TPRA1: variants seen among roughly 807,000 people sequenced by gnomAD.
TPRA1 encodes the protein transmembrane protein adipocyte associated 1, also known as transmembrane protein adipocyte-associated 1.
TPRA1 carries 28 observed loss-of-function variants against 40.1 expected under a neutral mutation model. The observed-to-expected ratio is 0.70, with a 90% CI of 0.52 to 0.96. TPRA1 has a LOEUF of 0.96. TPRA1 is among the 40% of genes least tolerant of loss of function. TPRA1 has a pLI of 0.00. For synonymous variants in TPRA1, 219 were observed against 209.7 expected, an observed-to-expected ratio of 1.04 and a Z score of -0.38; for missense variants, 441 against 482.6, an observed-to-expected ratio of 0.91 and a Z score of 0.81.
upstream of TPRA1, chr3:127,598,225 C>A (rs771754116): frequency 1.2e-5 from 7 of 600,130 alleles, no homozygotes; most frequent in Non-Finnish European, 1.8e-5. Flanking sequence ...ACAGCGCAGG[C>A]GAGCGCACGC....
In TPRA1 at chr3:127,590,661, C is replaced by T. The variant is rs2074146798; in HGVS notation, c.-269G>A. 6.6e-6 allele frequency: 1 copy of T among 152,294 alleles called. No individual in the cohort carries two copies. Among genetic ancestry groups the T allele is most frequent in the Non-Finnish European group, 1.5e-5 (1 of 68,106 alleles). 9.4% of individuals were successfully genotyped at this position (152,294 alleles called of 1,614,324 possible). A position where few individuals can be genotyped will look rare whatever the true frequency, so the allele number is the denominator to read the frequency against. ...GTCTCGCGGACACCCTGCAGCCCTT[C>T]CCGACAGCGGCGACCGGGAAAGCAA... On this transcript the variant is annotated 5_prime_UTR_variant, in exon 1 of 11. Coordinates refer to ENST00000355552, the MANE Select transcript of TPRA1 (RefSeq NM_001136053.4).
At chr3:127,578,902 G>C (rs2073733360) in intron 3 of TPRA1, among the ~76,000 whole-genome samples, 1 of 152,134 alleles carries the variant, frequency 6.6e-6, no homozygotes, top group African/African-American at 2.4e-5. Flanking sequence ...TGCAGACAGG[G>C]GAAGGGCGCC....
intron 3 of TPRA1, 140 bp from the exon 4 acceptor site, chr3:127,577,216 A>G (rs199686001): frequency 1.3e-6 from 1 of 797,664 alleles, no homozygotes; most frequent in South Asian, 1.6e-5. Context: ...AGGGTGGGAC[A>G]CAGGGAGGTG....
At chr3:127,577,737 C>T (rs540114144) in intron 3 of TPRA1, among the ~76,000 whole-genome samples, 3 of 152,196 alleles carry the variant, frequency 2.0e-5, no homozygotes, top group East Asian at 1.9e-4. Flanking sequence ...TTCTCACCCC[C>T]ACTTCGGTGG....
At chr3:127,579,923 C>G (rs766994358) in intron 2 of TPRA1, 51 bp from the exon 3 acceptor site, 2 of 1,609,778 alleles carry the variant, frequency 1.2e-6, no homozygotes, top group African/African-American at 1.3e-5. Flanking sequence ...CATATGCACC[C>G]CCTCTCCAAG....
Position 127,580,034 on chromosome 3 carries a change from A to G in TPRA1, c.113T>C (p.Ile38Thr), listed in dbSNP as rs1452869235. The change falls in exon 2 of 11, where the codon ATT becomes ACT. Residue 38 changes from isoleucine (I) to threonine (T), a missense_variant. Physicochemically the swap from Ile to Thr is moderately conservative, Grantham distance 89. Coordinates refer to ENST00000355552, the MANE Select transcript of TPRA1 (RefSeq NM_001136053.4). ...GTGACTGCCTCACCTGGAGGTGCCAATGTCTTCGTAGAGCAGCAGCAGGCA... is the reference window on the plus strand; with the variant it reads ...GTGACTGCCTCACCTGGAGGTGCCAGTGTCTTCGTAGAGCAGCAGCAGGCA... ...HRCLLLLYEDIGTSRVRYWDL... is the reference protein window; with the variant it reads ...HRCLLLLYEDTGTSRVRYWDL... 1.5e-5 allele frequency: 24 copies of G among 1,613,604 alleles called. No homozygotes were observed. Among genetic ancestry groups the G allele is most frequent in the Non-Finnish European group, 1.8e-5 (21 of 1,180,000 alleles).
chr3:127,598,124 A>C, exon 1 of TPRA1: 1 of 410,504 alleles, frequency 2.4e-6, no homozygotes, highest in Non-Finnish European at 4.5e-6. Context: ...CTTGTCAGCA[A>C]AATGGCCCTG....
At position 127,576,710 on chromosome 3, in the gene TPRA1, G is replaced by C; in HGVS notation, c.419-14C>G. 2 of 1,609,426 alleles carry C rather than the reference G, an allele frequency of 1.2e-6. No homozygotes were observed. The highest frequency in any genetic ancestry group is 1.7e-6 in the Non-Finnish European group (2 of 1,177,896). Reference sequence around the variant, plus strand: ...TCTCCAGGTGGCCTGGAAGAAACATGCTGGTCAGCAGGCAGGAGCCAGCCC... The same window carrying C: ...TCTCCAGGTGGCCTGGAAGAAACATCCTGGTCAGCAGGCAGGAGCCAGCCC... On this transcript the variant is annotated splice_polypyrimidine_tract_variant and intron_variant, in intron 5 of 10. Coordinates refer to ENST00000355552, the MANE Select transcript of TPRA1 (RefSeq NM_001136053.4). This position sits in a 1 kb window ranked among gnomAD's most constrained non-coding sequence, Gnocchi z 4.6.
At chr3:127,584,447 TAAA>T (rs1163065087) in intron 1 of TPRA1, among the ~76,000 whole-genome samples, 15 of 20,858 alleles carry the variant, frequency 7.2e-4, no homozygotes, top group African/African-American at 3.0e-3. Context: ...AGACCCTGTC[TAAA>T]AAAAAAAAAA....
At chr3:127,598,101 C>T (rs1235995001) in exon 1 of TPRA1, 2 of 364,114 alleles carry the variant, frequency 5.5e-6, no homozygotes, top group Non-Finnish European at 1.0e-5. Flanking sequence ...CCACCGCGCC[C>T]GGCCTCTGTT....
At chr3:127,574,596 C>T (rs535038411) in intron 10 of TPRA1, among the ~76,000 whole-genome samples, 3 of 152,328 alleles carry the variant, frequency 2.0e-5, no homozygotes, top group East Asian at 1.9e-4. Flanking sequence ...GATTTGCATC[C>T]GCTGTGGGCC....
At chr3:127,584,209 G>A (rs1472999589) in intron 1 of TPRA1, among the ~76,000 whole-genome samples, 1 of 150,698 alleles carries the variant, frequency 6.6e-6, no homozygotes, top group Non-Finnish European at 1.5e-5. Context: ...GGAGGCCGAG[G>A]TGGGAGGATC....
chr3:127,584,480 A>AAG (rs869214327), intron 1 of TPRA1, among the ~76,000 whole-genome samples: 1 of 148,676 alleles, frequency 6.7e-6, no homozygotes, highest in Non-Finnish European at 1.5e-5. Context: ...AAAAAAAAAA[A>AAG]GAAGCAAACT....
intron 1 of TPRA1, among the ~76,000 whole-genome samples, chr3:127,582,209 T>A (rs1188944173): frequency 1.3e-5 from 2 of 152,110 alleles, no homozygotes; most frequent in Non-Finnish European, 2.9e-5. Context: ...GGGCGGGCCA[T>A]GGGCTGGGGC....
At chr3:127,575,063 T>G in intron 10 of TPRA1, 122 bp downstream of exon 10, 1 of 1,050,182 alleles carries the variant, frequency 9.5e-7, no homozygotes, top group Non-Finnish European at 1.4e-6. Flanking sequence ...CATGTATGTA[T>G]GTGCGTGCGC....
At chr3:127,579,651 T>A in intron 3 of TPRA1, 89 bp downstream of exon 3, 1 of 1,443,806 alleles carries the variant, frequency 6.9e-7, no homozygotes, top group East Asian at 2.4e-5. Flanking sequence ...CAGCCATACC[T>A]GAAGCTTATT....
intron 1 of TPRA1, among the ~76,000 whole-genome samples, chr3:127,596,259 A>G (rs966230586): frequency 1.3e-5 from 2 of 152,076 alleles, no homozygotes; most frequent in African/African-American, 4.8e-5. Context: ...TTGGATTTTT[A>G]ATAGAGACAG....
At chr3:127,574,853 TATGC>T (rs2073527759) in intron 10 of TPRA1, 1 of 407,400 alleles carries the variant, frequency 2.5e-6, no homozygotes, top group Non-Finnish European at 4.6e-6. Context: ...TTCATGTGTG[TATGC>T]ATGCATGTGG....
chr3:127,578,263 G>A (rs1035601328), intron 3 of TPRA1, among the ~76,000 whole-genome samples: 1 of 152,236 alleles, frequency 6.6e-6, no homozygotes, highest in South Asian at 2.1e-4. Context: ...CTCCCACTGG[G>A]CTGCAGCTAT....
Sources: allele counts gnomAD v4.1 joint callset (sites outside exome capture counted in the v4.1 genomes callset), GRCh38; gene constraint gnomAD v4.1.1; non-coding constraint Gnocchi (gnomAD v3.1); transcripts MANE v1.5; gene names NCBI Gene and HGNC (gene_info 2026-07-23, HGNC 2026-07-21).